ZC3H12C: variants seen among roughly 807,000 people sequenced by gnomAD.
The protein encoded by ZC3H12C is zinc finger CCCH-type containing 12C.
In ZC3H12C, 20 loss-of-function variants were observed where a neutral mutation model predicts 76.3. The observed-to-expected ratio is 0.26, with a 90% CI of 0.18 to 0.38. ZC3H12C has a LOEUF of 0.38. ZC3H12C is among the 10% of genes least tolerant of loss of function. The pLI, the probability that ZC3H12C is intolerant of heterozygous loss-of-function variation, is 1.00. For synonymous variants in ZC3H12C, 352 were observed against 399.6 expected (o/e 0.88, Z 1.42); for missense variants, 874 against 1,086.5 (o/e 0.80, Z 2.75).
intron 1 of ZC3H12C, among the ~76,000 whole-genome samples, chr11:110,132,067 T>C (rs1440235572): frequency 6.6e-6 from 1 of 152,214 alleles, no homozygotes; most frequent in Non-Finnish European, 1.5e-5. Flanking sequence ...TTATTACATA[T>C]TCATTATTTT....
chr11:110,101,264 A>G (rs1047045104), intron 1 of ZC3H12C, among the ~76,000 whole-genome samples: 14 of 152,226 alleles, frequency 9.2e-5, no homozygotes, highest in Non-Finnish European at 2.1e-4. Context: ...AGTTTAAGGA[A>G]AAAAGCAAGA....
At chr11:110,125,925 G>A (rs1440891252) in intron 1 of ZC3H12C, among the ~76,000 whole-genome samples, 1 of 152,132 alleles carries the variant, frequency 6.6e-6, no homozygotes, top group Non-Finnish European at 1.5e-5. Flanking sequence ...TAGAAGCTCT[G>A]CAAATGAAAC....
intron 3 of ZC3H12C, among the ~76,000 whole-genome samples, chr11:110,156,412 T>C (rs964320441): frequency 4.6e-5 from 7 of 152,214 alleles, no homozygotes; most frequent in Non-Finnish European, 7.3e-5. Context: ...AGAAATTCAG[T>C]TAACTTACTA....
intron 1 of ZC3H12C, among the ~76,000 whole-genome samples, chr11:110,112,867 C>G (rs998095000): frequency 6.6e-6 from 1 of 152,038 alleles, no homozygotes; most frequent in Non-Finnish European, 1.5e-5. Flanking sequence ...CTTCTTTTTT[C>G]TGTAAGTTAT....
chr11:110,159,269 A>G lies in ZC3H12C; in HGVS notation c.927A>G (p.Leu309=). The part of the protein sequence containing the change: ...PDALITDQEI[L]RKLEKEKILV... ...TTATTCTTGCAGATCAGGAAATTTTACGTAAATTAGAGAAGGAGAAAATCC... is the reference window on the plus strand; with the variant it reads ...TTATTCTTGCAGATCAGGAAATTTTGCGTAAATTAGAGAAGGAGAAAATCC... Residue 309 remains leucine, a synonymous_variant, in exon 4 of 6, where the codon TTA becomes TTG. Transcript: ENST00000278590. 2 of 1,609,492 alleles carry G rather than the reference A, an allele frequency of 1.2e-6. No homozygotes were observed. Among genetic ancestry groups the G allele is most frequent in the Non-Finnish European group, 1.7e-6 (2 of 1,177,622 alleles).
chr11:110,158,867 C>A, intron 3 of ZC3H12C, among the ~76,000 whole-genome samples: 1 of 152,290 alleles, frequency 6.6e-6, no homozygotes, highest in Admixed American at 6.5e-5. Flanking sequence ...ATTGCTCACA[C>A]CTGAACCCCA....
In ZC3H12C at chr11:110,159,261, G is replaced by A; in HGVS notation, c.919G>A (p.Glu307Lys). ...SRPDALITDQ[E>K]ILRKLEKEKI... ...TACCGTCATTATTCTTGCAGATCAG[G>A]AAATTTTACGTAAATTAGAGAAGGA... The change falls in exon 4 of 6, where the codon GAA (glutamate) becomes AAA (lysine). Residue 307 changes from glutamate (E) to lysine (K), a missense_variant. By Grantham distance (56) the Glu-to-Lys change is moderately conservative. This residue lies in a region of ZC3H12C where 269 missense variants were observed against 424.9 expected (regional missense o/e 0.63). Coordinates refer to ENST00000278590, the MANE Select transcript of ZC3H12C (RefSeq NM_033390.2). 6.2e-7 allele frequency: 1 copy of A among 1,607,038 alleles called. No individual in the cohort carries two copies. Among genetic ancestry groups the A allele is most frequent in the Non-Finnish European group, 8.5e-7 (1 of 1,176,294 alleles).
chr11:110,097,601 A>G (rs1466904900), intron 1 of ZC3H12C, among the ~76,000 whole-genome samples: 1 of 152,190 alleles, frequency 6.6e-6, no homozygotes, highest in Non-Finnish European at 1.5e-5. Context: ...GAGGTATTTC[A>G]GTACCTCTTT....
At chr11:110,116,475 C>T (rs1439235423) in intron 1 of ZC3H12C, among the ~76,000 whole-genome samples, 3 of 152,132 alleles carry the variant, frequency 2.0e-5, no homozygotes. Context: ...GGCATTTTAA[C>T]TCTAATGCAT....
At chr11:110,149,565 G>A (rs1404302564) in intron 2 of ZC3H12C, among the ~76,000 whole-genome samples, 2 of 152,158 alleles carry the variant, frequency 1.3e-5, no homozygotes, top group African/African-American at 4.8e-5. Context: ...GCAACATCTG[G>A]TGTTTGCAGA....
chr11:110,113,192 G>C (rs865825203), intron 1 of ZC3H12C, among the ~76,000 whole-genome samples: 8 of 152,138 alleles, frequency 5.3e-5, no homozygotes, highest in Non-Finnish European at 8.8e-5. Flanking sequence ...AGAGTCGATA[G>C]ATAGAATTTG....
At chr11:110,096,625 G>A (rs755532477) in intron 1 of ZC3H12C, among the ~76,000 whole-genome samples, 2 of 152,208 alleles carry the variant, frequency 1.3e-5, no homozygotes, top group East Asian at 1.9e-4. Context: ...CTTAACCACT[G>A]TGCAAGTTCT....
chr11:110,120,906 AT>A (rs1565253597), intron 1 of ZC3H12C, among the ~76,000 whole-genome samples: 1 of 152,180 alleles, frequency 6.6e-6, no homozygotes, highest in Non-Finnish European at 1.5e-5. Flanking sequence ...TGAGTCAGGT[AT>A]TTAGCTAATC....
chr11:110,106,437 TG>T (rs1350378491), intron 1 of ZC3H12C, among the ~76,000 whole-genome samples: 2 of 152,238 alleles, frequency 1.3e-5, no homozygotes, highest in Non-Finnish European at 2.9e-5. Flanking sequence ...AAGCTCATTT[TG>T]TACAGTCAGA....
chr11:110,132,213 C>T (rs1332184931), intron 1 of ZC3H12C, among the ~76,000 whole-genome samples: 1 of 151,710 alleles, frequency 6.6e-6, no homozygotes, highest in Non-Finnish European at 1.5e-5. Flanking sequence ...ATATGAGGCT[C>T]TTTAGAATAG....
rs1416104872 is a variant in ZC3H12C at position 110,168,871 on chromosome 11, T to C, written c.*3134T>C. 2.0e-5 allele frequency: 3 copies of C among 152,198 alleles called. No individual in the cohort carries two copies. The highest frequency in any genetic ancestry group is 6.5e-5 in the Admixed American group (1 of 15,280). 9.4% of individuals were successfully genotyped at this position (152,198 alleles called of 1,614,324 possible). On this transcript the variant is annotated 3_prime_UTR_variant, in exon 6 of 6. Coordinates refer to ENST00000278590, the MANE Select transcript of ZC3H12C (RefSeq NM_033390.2). Reference sequence around the variant, plus strand: ...TTGATACTGGTGGAAACTTGAACTTTGTGTTTTTATGAAAATTCATTTATG... The same window carrying C: ...TTGATACTGGTGGAAACTTGAACTTCGTGTTTTTATGAAAATTCATTTATG...
At chr11:110,154,104 G>T (rs1223345570) in intron 3 of ZC3H12C, among the ~76,000 whole-genome samples, 2 of 152,200 alleles carry the variant, frequency 1.3e-5, no homozygotes, top group Non-Finnish European at 2.9e-5. Context: ...GGGCGCAGTG[G>T]CTCATGCCTG....
intron 1 of ZC3H12C, among the ~76,000 whole-genome samples, chr11:110,097,292 A>C (rs913317737): frequency 6.6e-6 from 1 of 152,258 alleles, no homozygotes; most frequent in Non-Finnish European, 1.5e-5. Context: ...AGCAGAGCTC[A>C]TAAGCAGATA....
At chr11:110,131,145 C>T (rs1291245208) in intron 1 of ZC3H12C, 2 of 1,435,758 alleles carry the variant, frequency 1.4e-6, no homozygotes, top group African/African-American at 1.4e-5. Flanking sequence ...GGAAGTTAAA[C>T]TTTGCTAAAT....
Sources: gnomAD v4.1 joint callset for allele counts (sites outside exome capture counted in the v4.1 genomes callset) on GRCh38, gnomAD v4.1.1 for gene constraint, gnomAD v4.1.1 regional missense constraint, MANE v1.5 for transcripts, NCBI Gene and HGNC (gene_info 2026-07-23, HGNC 2026-07-21) for gene names.